Variants in DLC1 observed in about 807,000 individuals in gnomAD.
The protein encoded by DLC1 is DLC1 Rho GTPase activating protein.
In DLC1, 54 loss-of-function variants were observed where a neutral mutation model predicts 140.3. The ratio of observed to expected loss-of-function variants is 0.38; its 90% CI spans 0.31 to 0.48. DLC1 has a LOEUF of 0.48. Ranked by LOEUF, DLC1 falls within the 20% of genes least tolerant of loss-of-function variation. The pLI is 0.96. For missense variants in DLC1, 2,536 were observed against 1,907.0 expected (o/e 1.33, Z -6.14); for synonymous variants, 986 against 728.1 (o/e 1.35, Z -5.70).
intron 3 of DLC1, among the ~76,000 whole-genome samples, chr8:13,395,923 G>A (rs536945627): frequency 3.8e-4 from 57 of 151,244 alleles, no homozygotes; most frequent in African/African-American, 1.2e-3. Flanking sequence ...ATTTCAAATT[G>A]GATCAACATC....
At chr8:13,300,308 G>C (rs926354640) in intron 5 of DLC1, among the ~76,000 whole-genome samples, 4 of 152,158 alleles carry the variant, frequency 2.6e-5, no homozygotes, top group African/African-American at 9.7e-5. Flanking sequence ...GAGAACATTA[G>C]AGAAAAGAGA....
intron 1 of DLC1, among the ~76,000 whole-genome samples, chr8:13,592,226 G>T (rs936681620): frequency 1.3e-5 from 2 of 152,020 alleles, no homozygotes; most frequent in Non-Finnish European, 2.9e-5. Context: ...AGAAATTTTC[G>T]ATTCAAGTAT....
At chr8:13,580,542 C>T (rs1181420323) in intron 1 of DLC1, among the ~76,000 whole-genome samples, 1 of 152,118 alleles carries the variant, frequency 6.6e-6, no homozygotes, top group East Asian at 1.9e-4. Flanking sequence ...GGGGTCATTG[C>T]CTGGACTTCC....
At chr8:13,546,836 C>G (rs7814354) in intron 1 of DLC1, among the ~76,000 whole-genome samples, 1 of 152,040 alleles carries the variant, frequency 6.6e-6, no homozygotes, top group East Asian at 1.9e-4. Flanking sequence ...TCTGTCATAA[C>G]TTGGCAAGAG....
chr8:13,089,445 T>G (rs1817856919), intron 15 of DLC1, among the ~76,000 whole-genome samples: 1 of 151,586 alleles, frequency 6.6e-6, no homozygotes, highest in Admixed American at 6.6e-5. Flanking sequence ...GCCAATATGG[T>G]GAAACCCCGT....
chr8:13,514,894 C>G (rs1802533197), upstream of DLC1: 1 of 363,674 alleles, frequency 2.7e-6, no homozygotes, highest in East Asian at 4.0e-5. Context: ...CCCAGATTGC[C>G]TGGAAAGTAT....
chr8:13,567,387 G>C, intron 1 of DLC1: 1 of 1,551,658 alleles, frequency 6.4e-7, no homozygotes, highest in Non-Finnish European at 8.7e-7. Context: ...AGATAAATTT[G>C]ATTCATCGTA....
At chr8:13,571,357 A>G (rs1391242297) in intron 1 of DLC1, among the ~76,000 whole-genome samples, 2 of 152,186 alleles carry the variant, frequency 1.3e-5, no homozygotes, top group African/African-American at 2.4e-5. Flanking sequence ...CCGTTCAGCA[A>G]TAACTCCCCA....
At chr8:13,254,365 G>A (rs901503468) in intron 5 of DLC1, among the ~76,000 whole-genome samples, 11 of 152,074 alleles carry the variant, frequency 7.2e-5, no homozygotes, top group African/African-American at 2.4e-4. Flanking sequence ...AGCCTGCAAG[G>A]ATGAACTTCT....
intron 10 of DLC1, among the ~76,000 whole-genome samples, chr8:13,098,034 G>GAA (rs35785512): frequency 1.5e-5 from 1 of 68,422 alleles, no homozygotes. Context: ...AAGGAAAAAA[G>GAA]AAAAAAAAAA....
At chr8:13,150,978 T>A (rs1213328879) in intron 5 of DLC1, among the ~76,000 whole-genome samples, 1 of 152,198 alleles carries the variant, frequency 6.6e-6, no homozygotes, top group Non-Finnish European at 1.5e-5. Flanking sequence ...AGGCCCTCAG[T>A]GAAGTGTCTT....
At chr8:13,382,108 G>A (rs533836978) in intron 4 of DLC1, among the ~76,000 whole-genome samples, 1 of 152,114 alleles carries the variant, frequency 6.6e-6, no homozygotes, top group East Asian at 1.9e-4. Context: ...TGTTGTGTGT[G>A]GTAATGTAGA....
At chr8:13,401,775 A>G (rs1040574745) in intron 2 of DLC1, among the ~76,000 whole-genome samples, 156 bp from the exon 3 acceptor site, 1 of 152,198 alleles carries the variant, frequency 6.6e-6, no homozygotes, top group African/African-American at 2.4e-5. Flanking sequence ...TGGGCTCTTC[A>G]TTGGGAAGAC....
At chr8:13,377,457 T>A (rs1434240304) in intron 4 of DLC1, among the ~76,000 whole-genome samples, 2 of 152,198 alleles carry the variant, frequency 1.3e-5, no homozygotes, top group African/African-American at 2.4e-5. Context: ...ACGGCTTTTA[T>A]AAACTACTAT....
chr8:13,368,998 A>G (rs1037409908), intron 4 of DLC1, among the ~76,000 whole-genome samples: 1 of 152,020 alleles, frequency 6.6e-6, no homozygotes, highest in East Asian at 1.9e-4. Flanking sequence ...TAATTTTTAT[A>G]TTTAGTAGAG....
At chr8:13,186,866 C>T (rs1826401788) in intron 5 of DLC1, among the ~76,000 whole-genome samples, 1 of 152,316 alleles carries the variant, frequency 6.6e-6, no homozygotes, top group East Asian at 1.9e-4. Flanking sequence ...GATGTTGATG[C>T]TATTCCTTTC....
chr8:13,157,533 C>A (rs181965491), intron 5 of DLC1, among the ~76,000 whole-genome samples: 1 of 152,294 alleles, frequency 6.6e-6, no homozygotes, highest in East Asian at 1.9e-4. Context: ...TCACCACACA[C>A]CTACTTTTTA....
intron 5 of DLC1, among the ~76,000 whole-genome samples, chr8:13,256,177 CA>C (rs1173001714): frequency 2.0e-5 from 3 of 151,810 alleles, no homozygotes; most frequent in East Asian, 1.9e-4. Flanking sequence ...AATATATGGC[CA>C]AAAAAATCCT....
At chr8:13,294,876 C>A (rs556929487) in intron 5 of DLC1, among the ~76,000 whole-genome samples, 112 of 152,284 alleles carry the variant, frequency 7.4e-4, no homozygotes, top group Non-Finnish European at 1.4e-3. Context: ...ATGTAGATAA[C>A]AATAGCACCT....
Sources: gnomAD v4.1 joint callset for allele counts (sites outside exome capture counted in the v4.1 genomes callset) on GRCh38, gnomAD v4.1.1 for gene constraint, MANE v1.5 for transcripts, NCBI Gene and HGNC (gene_info 2026-07-23, HGNC 2026-07-21) for gene names.